Variants in MRGPRE observed in about 807,000 individuals in gnomAD.
MRGPRE encodes MAS related GPR family member E, also known as mas-related G protein-coupled receptor member E.
For synonymous variants in MRGPRE, 229 were observed against 206.7 expected (o/e 1.11, Z -0.92); for missense variants, 466 against 433.4 (o/e 1.08, Z -0.67).
In MRGPRE at chr11:3,231,608, G is replaced by C. The variant is rs1340096342; in HGVS notation, c.-62+533C>G. Among the ~76,000 whole-genome samples, 1 of 149,520 alleles carries C rather than the reference G, an allele frequency of 6.7e-6. No individual in the cohort carries two copies. The highest frequency in any genetic ancestry group is 2.0e-4 in the East Asian group (1 of 5,006). On this transcript the variant is annotated intron_variant, in intron 1 of 1. Transcript: ENST00000389832. The surrounding 1 kb of genome is among the most constrained non-coding windows in gnomAD (Gnocchi z 4.7). ...GGACGATGGAAGAGAACAGGAGGGA[G>C]GAGGAGGAGGGGGAGGAGAAGGAGG...
rs973580404 is a variant in MRGPRE at position 3,230,936 on chromosome 11, G to A, written c.-62+1205C>T. On this transcript the variant is annotated intron_variant, in intron 1 of 1. Coordinates refer to ENST00000389832, the MANE Select transcript of MRGPRE (RefSeq NM_001039165.4). This position sits in a 1 kb window ranked among gnomAD's most constrained non-coding sequence, Gnocchi z 5.5. Reference sequence around the variant, plus strand: ...GGCAGGTGGGGAGATGTGGGGAGGGGGACAGATGCTCTCCTACTCAGGATA... The same window carrying A: ...GGCAGGTGGGGAGATGTGGGGAGGGAGACAGATGCTCTCCTACTCAGGATA... 6.6e-6 allele frequency among the ~76,000 whole-genome samples: 1 copy of A among 151,944 alleles called. No individual in the cohort carries two copies. Among genetic ancestry groups the A allele is most frequent in the Non-Finnish European group, 1.5e-5 (1 of 67,954 alleles).
Position 3,228,773 on chromosome 11 carries a change from C to G in MRGPRE, c.27G>C (p.Gln9His), listed in dbSNP as rs756683035. 4.5e-5 allele frequency: 73 copies of G among 1,610,394 alleles called. No homozygotes were observed. Among genetic ancestry groups the G allele is most frequent in the Non-Finnish European group, 5.9e-5 (70 of 1,177,944 alleles). MMEPREAGQHVGAANGAQE... is the reference protein window; with the variant it reads MMEPREAGHHVGAANGAQE... ...GGGCGCCGTTGGCGGCCCCCACGTG[C>G]TGTCCAGCTTCTCTGGGCTCCATCA... The change falls in exon 2 of 2, where the codon CAG (glutamine) becomes CAC (histidine). Residue 9 changes from glutamine to histidine, a missense_variant. By Grantham distance (24) the Gln-to-His change is conservative (BLOSUM62 0). Transcript: ENST00000389832.
At position 3,227,900 on chromosome 11, in the gene MRGPRE, C is replaced by T; in HGVS notation, c.900G>A (p.Arg300=). ...CCACCAGGCCCCGGCGGGAGGTCTC[C>T]CTGACGGCCCCCAGCTCAGCCTCGT... is the stretch of plus-strand genomic sequence containing the variant. ...LGDEAELGAV[R]ETSRRGLVDI... Residue 300 remains arginine (R), a synonymous_variant, in exon 2 of 2, where the codon AGG becomes AGA. Transcript: ENST00000389832. 3 of 1,473,614 alleles carry T rather than the reference C, an allele frequency of 2.0e-6. No homozygotes were observed. Among genetic ancestry groups the T allele is most frequent in the Non-Finnish European group, 2.7e-6 (3 of 1,109,400 alleles). The allele number at this position is 1,473,614 out of a possible 1,614,324, so 91.3% of individuals were successfully genotyped here.
In MRGPRE at chr11:3,230,808, G is replaced by A. The variant is rs1847821121; in HGVS notation, c.-62+1333C>T. Among the ~76,000 whole-genome samples the A allele has an allele frequency of 1.3e-5, 2 of 152,170 alleles. No homozygotes were observed. Among genetic ancestry groups the A allele is most frequent in the Admixed American group, 1.3e-4 (2 of 15,292 alleles). ...TCCTAGCACCCAAGGCCCCGGGAAG[G>A]CAGACCATGGGTGGGAGGTGAGGTG... On this transcript the variant is annotated intron_variant, in intron 1 of 1. Coordinates refer to ENST00000389832, the MANE Select transcript of MRGPRE (RefSeq NM_001039165.4). The surrounding 1 kb of genome is among the most constrained non-coding windows in gnomAD (Gnocchi z 5.5).
rs549665161 is a variant in MRGPRE, at chr11:3,225,922, C to G, written c.*1939G>C. ...CTAAGGGTCCGCAATCTCTCTGAACCCTTATGCAGCAAAGGGGTCTGCGTG... is the reference window on the plus strand; with the variant it reads ...CTAAGGGTCCGCAATCTCTCTGAACGCTTATGCAGCAAAGGGGTCTGCGTG... On this transcript the variant is annotated 3_prime_UTR_variant, in exon 2 of 2. Transcript: ENST00000389832. The G allele has an allele frequency of 6.6e-6, 1 of 152,524 alleles. No homozygotes were observed. Among genetic ancestry groups the G allele is most frequent in the Admixed American group, 6.5e-5 (1 of 15,306 alleles). The allele number at this position is 152,524 out of a possible 1,614,324, so 9.4% of individuals were successfully genotyped here.
Position 3,226,986 on chromosome 11 carries a change from G to A in MRGPRE, c.*875C>T, listed in dbSNP as rs745789531. Among the ~76,000 whole-genome samples the A allele has an allele frequency of 1.6e-4, 25 of 152,348 alleles. No homozygotes were observed. The highest frequency in any genetic ancestry group is 6.2e-4 in the South Asian group (3 of 4,830). ...ATGGCAGCCAGGCCTGGCACTCAGC[G>A]GAAGCTCGGAAACCTGTTGAGGGGT... On this transcript the variant is annotated 3_prime_UTR_variant, in exon 2 of 2. Transcript: ENST00000389832.
chr11:3,226,417 G>C lies in MRGPRE; in HGVS notation c.*1444C>G, dbSNP rs1216946007. The stretch of plus-strand genomic sequence containing the variant: ...TTTGGGAGGAGGTAAGTCCCCAAGT[G>C]GGGGCTGGAGGTGCTCTAGGAGAGG... On this transcript the variant is annotated 3_prime_UTR_variant, in exon 2 of 2. Transcript: ENST00000389832. 6.6e-6 allele frequency: 1 copy of C among 152,278 alleles called. No homozygotes were observed. Among genetic ancestry groups the C allele is most frequent in the Non-Finnish European group, 1.5e-5 (1 of 68,088 alleles). 9.4% of individuals were successfully genotyped at this position (152,278 alleles called of 1,614,324 possible). A position where few individuals can be genotyped will look rare whatever the true frequency, so the allele number is the denominator to read the frequency against.
In MRGPRE at chr11:3,229,420, T is replaced by C. The variant is rs1847806431; in HGVS notation, c.-61-560A>G. 1.3e-5 allele frequency among the ~76,000 whole-genome samples: 2 copies of C among 151,796 alleles called. No individual in the cohort carries two copies. On this transcript the variant is annotated intron_variant, in intron 1 of 1. Coordinates refer to ENST00000389832, the MANE Select transcript of MRGPRE (RefSeq NM_001039165.4). The surrounding 1 kb of genome is among the most constrained non-coding windows in gnomAD (Gnocchi z 4.4). ...TATTGCATTTTTAGTAGAGACAGGG[T>C]TTCACCATATTGGCCAGGCTGGTCT...
rs1008765131 is a variant in MRGPRE at position 3,227,049 on chromosome 11, C to T, written c.*812G>A. ...CCTTCCTCAGAGGGATCCTCTGGAG[C>T]GGGACTTGCTCAGGACAGAGGCGGG... On this transcript the variant is annotated 3_prime_UTR_variant, in exon 2 of 2. Coordinates refer to ENST00000389832, the MANE Select transcript of MRGPRE (RefSeq NM_001039165.4). Among the ~76,000 whole-genome samples, 4 of 152,172 alleles carry T rather than the reference C, an allele frequency of 2.6e-5. No individual in the cohort carries two copies. Among genetic ancestry groups the T allele is most frequent in the African/African-American group, 7.2e-5 (3 of 41,438 alleles).
chr11:3,230,995 G>T lies in MRGPRE; in HGVS notation c.-62+1146C>A, dbSNP rs939378691. Among the ~76,000 whole-genome samples the T allele has an allele frequency of 6.6e-5, 10 of 152,210 alleles. No homozygotes were observed. Among genetic ancestry groups the T allele is most frequent in the Admixed American group, 2.6e-4 (4 of 15,306 alleles). On this transcript the variant is annotated intron_variant, in intron 1 of 1. Coordinates refer to ENST00000389832, the MANE Select transcript of MRGPRE (RefSeq NM_001039165.4). This position sits in a 1 kb window ranked among gnomAD's most constrained non-coding sequence, Gnocchi z 5.5. ...GGGTCACCAACCCTCAGGCCCAGAG[G>T]GAGGCAGAGATGAGTTTTGGGAGGT...
rs1847743754 is a variant in MRGPRE at position 3,225,047 on chromosome 11, T to C, written c.*2814A>G. Among the ~76,000 whole-genome samples, 1 of 152,194 alleles carries C rather than the reference T, an allele frequency of 6.6e-6. No homozygotes were observed. On this transcript the variant is annotated 3_prime_UTR_variant, in exon 2 of 2. Coordinates refer to ENST00000389832, the MANE Select transcript of MRGPRE (RefSeq NM_001039165.4). Reference sequence around the variant, plus strand: ...AGCCGTGGTCATGTTTTAAGTGTGATGTTTGGTTTTATTTTTCCAGCGTGT... The same window carrying C: ...AGCCGTGGTCATGTTTTAAGTGTGACGTTTGGTTTTATTTTTCCAGCGTGT...
chr11:3,228,294 G>A lies in MRGPRE; in HGVS notation c.506C>T (p.Pro169Leu). The A allele has an allele frequency of 1.9e-6, 3 of 1,554,246 alleles. No individual in the cohort carries two copies. The highest frequency in any genetic ancestry group is 2.6e-6 in the Non-Finnish European group (3 of 1,151,694). Residue 169 changes from proline to leucine, a missense_variant, in exon 2 of 2, where the codon CCC (proline) becomes CTC (leucine). By Grantham distance (98) the Pro-to-Leu change is moderately conservative. Coordinates refer to ENST00000389832, the MANE Select transcript of MRGPRE (RefSeq NM_001039165.4). ...CAGCGTCCGGCACAAGTGGCGGCTG[G>A]GCTCCCCGAAGAACTGGGTGCAGGC... Reference protein sequence around the residue: ...SGACTQFFGEPSRHLCRTLWL... With the variant: ...SGACTQFFGELSRHLCRTLWL...
Position 3,228,842 on chromosome 11 carries a change from G to C in MRGPRE, c.-43C>G. The C allele has an allele frequency of 6.7e-7, 1 of 1,489,230 alleles. No homozygotes were observed. The highest frequency in any genetic ancestry group is 9.1e-7 in the Non-Finnish European group (1 of 1,093,978). 92.3% of individuals were successfully genotyped at this position (1,489,230 alleles called of 1,614,324 possible). A position where few individuals can be genotyped will look rare whatever the true frequency, so the allele number is the denominator to read the frequency against. ...GATGCTGCAGGAGTGTGTTCTGCTC[G>C]CTCTCTCTCCTGATGCCCCTGTAAA... On this transcript the variant is annotated 5_prime_UTR_variant, in exon 2 of 2. Coordinates refer to ENST00000389832, the MANE Select transcript of MRGPRE (RefSeq NM_001039165.4).
Position 3,231,309 on chromosome 11 carries a change from A to G in MRGPRE, c.-62+832T>C, listed in dbSNP as rs1847827076. Among the ~76,000 whole-genome samples the G allele has an allele frequency of 6.6e-6, 1 of 151,790 alleles. No individual in the cohort carries two copies. Among genetic ancestry groups the G allele is most frequent in the South Asian group, 2.1e-4 (1 of 4,810 alleles). On this transcript the variant is annotated intron_variant, in intron 1 of 1. Coordinates refer to ENST00000389832, the MANE Select transcript of MRGPRE (RefSeq NM_001039165.4). The surrounding 1 kb of genome is among the most constrained non-coding windows in gnomAD (Gnocchi z 4.7). ...GGGGAGAGGCATGAAGAGATGGGGGACAGAGAAGGAAACAGGGAGGAGAAC... is the reference window on the plus strand; with the variant it reads ...GGGGAGAGGCATGAAGAGATGGGGGGCAGAGAAGGAAACAGGGAGGAGAAC...
At position 3,227,094 on chromosome 11, in the gene MRGPRE, C is replaced by T. The variant is rs1164018089; in HGVS notation, c.*767G>A. Among the ~76,000 whole-genome samples the T allele has an allele frequency of 2.0e-5, 3 of 152,014 alleles. No individual in the cohort carries two copies. Among genetic ancestry groups the T allele is most frequent in the Admixed American group, 2.0e-4 (3 of 15,268 alleles). ...GGCGGGTGAACTGCCTTGGATGGGG[C>T]CGGTGTGAAGCTTTCTGGTTGCTGA... On this transcript the variant is annotated 3_prime_UTR_variant, in exon 2 of 2. Coordinates refer to ENST00000389832, the MANE Select transcript of MRGPRE (RefSeq NM_001039165.4).
rs1412932049 is a variant in MRGPRE at position 3,227,582 on chromosome 11, G to T, written c.*279C>A. The T allele has an allele frequency of 5.2e-6, 2 of 381,200 alleles. No homozygotes were observed. Among genetic ancestry groups the T allele is most frequent in the African/African-American group, 2.1e-5 (1 of 48,440 alleles). 23.6% of individuals were successfully genotyped at this position (381,200 alleles called of 1,614,324 possible). On this transcript the variant is annotated 3_prime_UTR_variant, in exon 2 of 2. Transcript: ENST00000389832. ...AGCAGCAGCTCTCGAGTGCCAGTGC[G>T]TGAACCGTTGGGGAGGTTTCCCAAA... is the stretch of plus-strand genomic sequence containing the variant.
chr11:3,230,468 G>A lies in MRGPRE; in HGVS notation c.-61-1608C>T, dbSNP rs781437735. ...CATGCAGGGGGACGCTGCGGTGCTGGGATGCTGGGGAGAGGTGGCCCGGGG... is the reference window on the plus strand; with the variant it reads ...CATGCAGGGGGACGCTGCGGTGCTGAGATGCTGGGGAGAGGTGGCCCGGGG... On this transcript the variant is annotated intron_variant, in intron 1 of 1. Coordinates refer to ENST00000389832, the MANE Select transcript of MRGPRE (RefSeq NM_001039165.4). The surrounding 1 kb of genome is among the most constrained non-coding windows in gnomAD (Gnocchi z 5.5). Among the ~76,000 whole-genome samples, 8 of 152,186 alleles carry A rather than the reference G, an allele frequency of 5.3e-5. No individual in the cohort carries two copies. The highest frequency in any genetic ancestry group is 3.3e-4 in the Admixed American group (5 of 15,286).
At position 3,227,548 on chromosome 11, in the gene MRGPRE, A is replaced by C; in HGVS notation, c.*313T>G. 57 of 299,126 alleles carry C rather than the reference A, an allele frequency of 1.9e-4. No individual in the cohort carries two copies. The highest frequency in any genetic ancestry group is 2.7e-4 in the East Asian group (5 of 18,634). The allele number at this position is 299,126 out of a possible 1,614,324, so 18.5% of individuals were successfully genotyped here. ...TCTCCTCACTGCAGCTGAGCAGGGA[A>C]TGGGTAGCAGCAGCAGCTCTCGAGT... On this transcript the variant is annotated 3_prime_UTR_variant, in exon 2 of 2. Transcript: ENST00000389832.
Position 3,228,244 on chromosome 11 carries a change from C to G in MRGPRE, c.556G>C (p.Ala186Pro), listed in dbSNP as rs1847786927. 12 of 1,552,084 alleles carry G rather than the reference C, an allele frequency of 7.7e-6. No homozygotes were observed. Among genetic ancestry groups the G allele is most frequent in the Non-Finnish European group, 1.0e-5 (12 of 1,149,806 alleles). Residue 186 changes from alanine (A) to proline (P), a missense_variant, in exon 2 of 2, where the codon GCT (alanine) becomes CCT (proline). Coordinates refer to ENST00000389832, the MANE Select transcript of MRGPRE (RefSeq NM_001039165.4). ...TLWLVAAVLL[A>P]LLCCTMCGAS... ...CCACACATGGTGCAACACAGCAGAG[C>G]CAGCAGCACCGCTGCCACCAGCCAC...
Sources: allele counts gnomAD v4.1 joint callset (sites outside exome capture counted in the v4.1 genomes callset), GRCh38; gene constraint gnomAD v4.1.1; non-coding constraint Gnocchi (gnomAD v3.1); transcripts MANE v1.5; gene names NCBI Gene and HGNC (gene_info 2026-07-23, HGNC 2026-07-21).